Variants in OVCH1 observed in about 807,000 individuals in gnomAD.
OVCH1 encodes the protein ovochymase 1.
In OVCH1, 139 loss-of-function variants were observed where a neutral mutation model predicts 138.4. The observed-to-expected ratio is 1.00, with a 90% CI of 0.87 to 1.16. The LOEUF (loss-of-function observed/expected upper bound fraction) is 1.16. Among genes scored for constraint, OVCH1 ranks in the 50% most tolerant of loss-of-function variants. The pLI is 0.00. For synonymous variants in OVCH1, 453 were observed against 467.8 expected, an observed-to-expected ratio of 0.97 and a Z score of 0.41; for missense variants, 1,367 against 1,357.9, an observed-to-expected ratio of 1.01 and a Z score of -0.11.
chr12:29,445,966 T>C (rs985840533), intron 22 of OVCH1, among the ~76,000 whole-genome samples: 5 of 152,122 alleles, frequency 3.3e-5, no homozygotes, highest in African/African-American at 7.2e-5. Flanking sequence ...TTCAGTATCA[T>C]TTTTTAACAT....
At chr12:29,462,634 C>G (rs1392055472) in intron 18 of OVCH1, among the ~76,000 whole-genome samples, 1 of 151,884 alleles carries the variant, frequency 6.6e-6, no homozygotes, top group East Asian at 1.9e-4. Context: ...TATTTTATAG[C>G]CCTATACCTT....
At chr12:29,425,602 A>G (rs1337682668), downstream of OVCH1, among the ~76,000 whole-genome samples, 1 of 152,164 alleles carries the variant, frequency 6.6e-6, no homozygotes, top group Non-Finnish European at 1.5e-5. Flanking sequence ...CTTATTAGCG[A>G]TGTCACTGGA....
chr12:29,434,772 C>T (rs1941329145), intron 26 of OVCH1, among the ~76,000 whole-genome samples: 1 of 151,832 alleles, frequency 6.6e-6, no homozygotes, highest in Admixed American at 6.6e-5. Flanking sequence ...GTAAAAAATT[C>T]TTATGTTTGA....
intron 16 of OVCH1, among the ~76,000 whole-genome samples, chr12:29,468,682 TG>T (rs1257728547): frequency 1.3e-5 from 2 of 152,280 alleles, no homozygotes; most frequent in Middle Eastern, 3.4e-3. Context: ...AATAGGTTTT[TG>T]TAAGGGAGAG....
At position 29,451,589 on chromosome 12, in the gene OVCH1, G is replaced by A; in HGVS notation, c.2531-20C>T. On this transcript the variant is annotated intron_variant, in intron 21 of 27. Coordinates refer to ENST00000318184, the Ensembl canonical transcript of OVCH1. ...AACAACCTGCAATTCAGAACACACA[G>A]ACACCAGGGACCAACATAAATAAAG... 1 of 1,570,272 alleles carries A rather than the reference G, an allele frequency of 6.4e-7. No homozygotes were observed. Among genetic ancestry groups the A allele is most frequent in the Non-Finnish European group, 8.7e-7 (1 of 1,149,690 alleles).
In OVCH1 at chr12:29,441,917, A is replaced by G. The variant is rs375699599; in HGVS notation, c.3157+1444T>C. Among the ~76,000 whole-genome samples, 6 of 152,254 alleles carry G rather than the reference A, an allele frequency of 3.9e-5. No individual in the cohort carries two copies. The East Asian group carries it at 7.7e-4, about 20-fold the overall frequency. The stretch of plus-strand genomic sequence containing the variant: ...CAGAGAAATGCAAATCAAAACCACA[A>G]TGAGATACCATCTCACACCAGTCAG... On this transcript the variant is annotated intron_variant, in intron 25 of 27. Transcript: ENST00000318184.
chr12:29,476,780 CACACACACACACACACACACACACACAG>C (rs1208048155), intron 12 of OVCH1, among the ~76,000 whole-genome samples: 1 of 130,562 alleles, frequency 7.7e-6, no homozygotes, highest in African/African-American at 2.8e-5. Context: ...CACACACACA[CACACACACACACACACACACACACACAG>C]GTTAGTAAAT....
intron 8 of OVCH1, among the ~76,000 whole-genome samples, chr12:29,481,431 C>T (rs185801859): frequency 4.6e-5 from 7 of 152,172 alleles, no homozygotes; most frequent in Non-Finnish European, 8.8e-5. Context: ...CTGGTTGACT[C>T]CTTACTTTAG....
intron 19 of OVCH1, among the ~76,000 whole-genome samples, chr12:29,456,808 C>A (rs1345774882): frequency 1.3e-5 from 2 of 152,178 alleles, no homozygotes; most frequent in Admixed American, 6.5e-5. Context: ...TAAATGTTTG[C>A]CTAATTTACG....
chr12:29,461,402 T>C (rs1209120251), intron 19 of OVCH1, among the ~76,000 whole-genome samples: 1 of 152,216 alleles, frequency 6.6e-6, no homozygotes, highest in Admixed American at 6.5e-5. Context: ...ACAATAGACA[T>C]CTTTGTGATT....
At chr12:29,474,074 T>TACACAC (rs146655743) in intron 14 of OVCH1, among the ~76,000 whole-genome samples, 4,812 of 145,186 alleles carry the variant, frequency 0.033, 106 homozygotes, top group African/African-American at 0.051. Context: ...CACACACACA[T>TACACAC]ACACACACAC....
chr12:29,457,283 C>T (rs994499130), intron 19 of OVCH1, among the ~76,000 whole-genome samples: 5 of 151,414 alleles, frequency 3.3e-5, no homozygotes, highest in Non-Finnish European at 7.4e-5. Flanking sequence ...ATTTTTCAGG[C>T]AATTACAAAC....
exon 22 of OVCH1, chr12:29,451,444 T>G: frequency 6.2e-7 from 1 of 1,613,302 alleles, no homozygotes; most frequent in Non-Finnish European, 8.5e-7. Context: ...ATGGTAAATT[T>G]TGCCATACTG....
At chr12:29,472,262 T>C (rs368954370) in intron 15 of OVCH1, among the ~76,000 whole-genome samples, 1 of 152,204 alleles carries the variant, frequency 6.6e-6, no homozygotes, top group South Asian at 2.1e-4. Context: ...GTTCCAGACA[T>C]TGGTGATATA....
intron 17 of OVCH1, among the ~76,000 whole-genome samples, 186 bp downstream of exon 17, chr12:29,464,961 C>T (rs1232741173): frequency 2.0e-5 from 3 of 152,098 alleles, no homozygotes; most frequent in Non-Finnish European, 2.9e-5. Context: ...CAATTCTGAC[C>T]TACTTCCTGC....
rs149259875 is a variant in OVCH1 at position 29,460,777 on chromosome 12, C to T, written c.2280+1077G>A. 5.3e-3 allele frequency among the ~76,000 whole-genome samples: 804 copies of T among 152,070 alleles called. 5 individuals carry two copies. The highest frequency in any genetic ancestry group is 0.018 in the African/African-American group (765 of 41,488). On this transcript the variant is annotated intron_variant, in intron 19 of 27. Coordinates refer to ENST00000318184, the Ensembl canonical transcript of OVCH1. ...CCTTCCCTTCCCTGTACCATCTCCT[C>T]CCTTTCCTACTGGTGATATCTATGA... is the stretch of plus-strand genomic sequence containing the variant.
chr12:29,421,977 A>T (rs112196471), intron 3 of OVCH1, among the ~76,000 whole-genome samples: 1 of 152,238 alleles, frequency 6.6e-6, no homozygotes, highest in Non-Finnish European at 1.5e-5. Flanking sequence ...TAAAACATCA[A>T]TTCTCTTCTC....
intron 15 of OVCH1, among the ~76,000 whole-genome samples, chr12:29,472,689 G>A (rs1454212757): frequency 6.6e-6 from 1 of 152,196 alleles, no homozygotes; most frequent in Admixed American, 6.5e-5. Flanking sequence ...ATTAAAAGAT[G>A]CCAGTGTGAA....
intron 21 of OVCH1, among the ~76,000 whole-genome samples, chr12:29,453,194 T>G (rs1198474732): frequency 6.6e-6 from 1 of 152,180 alleles, no homozygotes; most frequent in Non-Finnish European, 1.5e-5. Context: ...GACCCAAGTC[T>G]GCTCTCTGTC....
Sources: allele counts gnomAD v4.1 joint callset (sites outside exome capture counted in the v4.1 genomes callset), GRCh38; gene constraint gnomAD v4.1.1; transcripts MANE v1.5; gene names NCBI Gene and HGNC (gene_info 2026-07-23, HGNC 2026-07-21).